Variants in STXBP5L observed in about 807,000 individuals in gnomAD.
The protein encoded by STXBP5L is syntaxin binding protein 5L.
Under a neutral mutation model 144.5 loss-of-function variants are expected in STXBP5L, and 65 were observed. The ratio of observed to expected loss-of-function variants is 0.45; its 90% CI spans 0.37 to 0.55. The LOEUF is 0.55. Among genes scored for constraint, STXBP5L ranks in the 20% least tolerant of loss-of-function variants. STXBP5L has a pLI of 0.00. For synonymous variants in STXBP5L, 505 were observed against 469.6 expected (o/e 1.08, Z -0.97); for missense variants, 1,298 against 1,405.5 (o/e 0.92, Z 1.22).
chr3:121,313,288 C>G (rs1314222447), intron 19 of STXBP5L, among the ~76,000 whole-genome samples: 1 of 139,106 alleles, frequency 7.2e-6, no homozygotes, highest in African/African-American at 2.8e-5. Flanking sequence ...CCAGTAGGGG[C>G]GGCTGGGCAG....
intron 2 of STXBP5L, among the ~76,000 whole-genome samples, chr3:120,913,585 G>T (rs1280266033): frequency 6.6e-6 from 1 of 151,972 alleles, no homozygotes; most frequent in Non-Finnish European, 1.5e-5. Flanking sequence ...CAAATCATTT[G>T]ATAAATGACT....
chr3:121,309,710 G>T (rs1305883732), intron 19 of STXBP5L, among the ~76,000 whole-genome samples: 1 of 152,070 alleles, frequency 6.6e-6, no homozygotes, highest in African/African-American at 2.4e-5. Context: ...GGAATACCAG[G>T]TTTACAGGTT....
At chr3:121,211,090 G>T (rs981774027) in intron 10 of STXBP5L, among the ~76,000 whole-genome samples, 1 of 152,080 alleles carries the variant, frequency 6.6e-6, no homozygotes, top group Non-Finnish European at 1.5e-5. Flanking sequence ...ATTTGTTTGT[G>T]TCCTCTTTTA....
At chr3:121,025,395 T>C (rs2107477169) in intron 3 of STXBP5L, among the ~76,000 whole-genome samples, 1 of 151,484 alleles carries the variant, frequency 6.6e-6, no homozygotes, top group East Asian at 1.9e-4. Context: ...AAGTATACAT[T>C]ATATATAAGT....
intron 3 of STXBP5L, among the ~76,000 whole-genome samples, chr3:121,018,310 A>C (rs1464667009): frequency 5.9e-5 from 9 of 152,274 alleles, no homozygotes; most frequent in African/African-American, 1.9e-4. Context: ...TCATTACTGG[A>C]CTTCAAGTCT....
intron 18 of STXBP5L, among the ~76,000 whole-genome samples, chr3:121,265,320 C>G (rs1168898804): frequency 6.6e-6 from 1 of 152,148 alleles, no homozygotes; most frequent in Non-Finnish European, 1.5e-5. Flanking sequence ...TTAAGAAACT[C>G]ACTCAAAACC....
chr3:121,036,196 G>T (rs1040683207), intron 3 of STXBP5L, among the ~76,000 whole-genome samples: 4 of 151,970 alleles, frequency 2.6e-5, no homozygotes, highest in African/African-American at 9.7e-5. Flanking sequence ...AGCTGGGCAC[G>T]GTTGTGGGCT....
intron 2 of STXBP5L, among the ~76,000 whole-genome samples, chr3:120,920,869 T>G (rs750848393): frequency 7.9e-5 from 12 of 151,994 alleles, no homozygotes; most frequent in Non-Finnish European, 1.6e-4. Context: ...ATACCATATT[T>G]TCTTTATCCA....
chr3:121,351,944 C>A (rs778379560), intron 20 of STXBP5L, among the ~76,000 whole-genome samples: 1 of 152,082 alleles, frequency 6.6e-6, no homozygotes, highest in Non-Finnish European at 1.5e-5. Context: ...ATAGGGAATC[C>A]TTTCCCCATT....
intron 3 of STXBP5L, among the ~76,000 whole-genome samples, chr3:121,010,420 C>T (rs1430304731): frequency 1.3e-5 from 2 of 151,708 alleles, no homozygotes; most frequent in Admixed American, 1.3e-4. Flanking sequence ...TATTAGTCTT[C>T]TGCTATTCCA....
At chr3:121,360,878 C>T (rs1310475345) in intron 20 of STXBP5L, among the ~76,000 whole-genome samples, 1 of 152,086 alleles carries the variant, frequency 6.6e-6, no homozygotes, top group Admixed American at 6.6e-5. Flanking sequence ...TTTACTATTA[C>T]CAGTAAGTTT....
At chr3:121,371,627 G>A (rs2046031137) in intron 20 of STXBP5L, among the ~76,000 whole-genome samples, 1 of 152,234 alleles carries the variant, frequency 6.6e-6, no homozygotes, top group Non-Finnish European at 1.5e-5. Flanking sequence ...CTGGGGCGTG[G>A]GGGGCAGTGT....
intron 5 of STXBP5L, among the ~76,000 whole-genome samples, chr3:121,059,667 G>A (rs1416877039): frequency 6.6e-6 from 1 of 152,084 alleles, no homozygotes; most frequent in Non-Finnish European, 1.5e-5. Context: ...GTGGTTTGTA[G>A]CTCTCCTCGA....
intron 2 of STXBP5L, among the ~76,000 whole-genome samples, chr3:120,926,657 A>G (rs1325565446): frequency 6.6e-5 from 10 of 152,104 alleles, no homozygotes; most frequent in African/African-American, 2.4e-4. Flanking sequence ...GCTCAACTCC[A>G]TCTTGACTAT....
intron 22 of STXBP5L, among the ~76,000 whole-genome samples, chr3:121,404,731 C>T (rs2046957842): frequency 6.6e-6 from 1 of 152,096 alleles, no homozygotes; most frequent in Non-Finnish European, 1.5e-5. Flanking sequence ...GGCTCAGGGA[C>T]AAAGGATAAT....
rs2047328688 is a variant in STXBP5L, at chr3:121,420,360, A to AT, written c.*1264dup. On this transcript the variant is annotated 3_prime_UTR_variant, in exon 27 of 27. Transcript: ENST00000471454. ...TCAGTCATCATTATAGACAATAGAA[A>AT]TACATAAAGAGTTTAATGATACAAA... 1 of 151,288 alleles carries AT rather than the reference A, an allele frequency of 6.6e-6. No individual in the cohort carries two copies. The highest frequency in any genetic ancestry group is 2.4e-5 in the African/African-American group (1 of 41,396). 9.4% of individuals were successfully genotyped at this position (151,288 alleles called of 1,614,324 possible).
chr3:121,041,065 T>A (rs537594640), intron 3 of STXBP5L, among the ~76,000 whole-genome samples: 1 of 152,004 alleles, frequency 6.6e-6, no homozygotes, highest in African/African-American at 2.4e-5. Flanking sequence ...TCATTCTTTT[T>A]TTTTTACCTT....
At chr3:121,036,056 G>T (rs767611924) in intron 3 of STXBP5L, among the ~76,000 whole-genome samples, 6 of 152,058 alleles carry the variant, frequency 3.9e-5, no homozygotes, top group Non-Finnish European at 8.8e-5. Context: ...TTTGGGGGCT[G>T]GGCATGGTGG....
At chr3:121,369,471 T>C (rs1031192885) in intron 20 of STXBP5L, among the ~76,000 whole-genome samples, 4 of 152,166 alleles carry the variant, frequency 2.6e-5, no homozygotes, top group African/African-American at 9.7e-5. Flanking sequence ...AAGATGATTA[T>C]TTTGAATTCT....
Sources: gnomAD v4.1 joint callset for allele counts (sites outside exome capture counted in the v4.1 genomes callset) on GRCh38, gnomAD v4.1.1 for gene constraint, MANE v1.5 for transcripts, NCBI Gene and HGNC (gene_info 2026-07-23, HGNC 2026-07-21) for gene names.